BNC2: variants seen among roughly 807,000 people sequenced by gnomAD.
The protein encoded by BNC2 is zinc finger protein basonuclin-2.
BNC2 carries 20 observed loss-of-function variants against 76.3 expected under a neutral mutation model. The observed-to-expected ratio is 0.26, with a 90% CI of 0.18 to 0.38. BNC2 has a LOEUF of 0.38. BNC2 is among the 10% of genes least tolerant of loss of function. The probability of loss-of-function intolerance (pLI) is 1.00; values close to 1 mark genes in which losing one functional copy is unlikely to be tolerated. For synonymous variants in BNC2, 582 were observed against 514.8 expected, an observed-to-expected ratio of 1.13 and a Z score of -1.77; for missense variants, 1,382 against 1,399.8, an observed-to-expected ratio of 0.99 and a Z score of 0.20.
At chr9:16,421,965 T>C (rs1172313893) in intron 6 of BNC2, among the ~76,000 whole-genome samples, 1 of 152,180 alleles carries the variant, frequency 6.6e-6, no homozygotes, top group Non-Finnish European at 1.5e-5. Flanking sequence ...CATCTGCAGT[T>C]ACCACTTCCT....
chr9:16,582,892 GAC>G (rs149223772), intron 4 of BNC2, 89 bp downstream of exon 4: 25,799 of 621,080 alleles, frequency 0.042, 189 homozygotes, highest in African/African-American at 0.11. Context: ...CCTCTAAACA[GAC>G]ACACACACAC....
chr9:16,856,275 TCTCACA>T lies in BNC2; in HGVS notation c.3+14365_3+14370del, dbSNP rs57676312. Among the ~76,000 whole-genome samples, 1,517 of 86,408 alleles carry T rather than the reference TCTCACA, an allele frequency of 0.018. 16 individuals carry two copies. The East Asian group carries it at 0.21, about 12-fold the overall frequency. 56.7% of individuals were successfully genotyped at this position (86,408 alleles called of 152,430 possible). A position where few individuals can be genotyped will look rare whatever the true frequency, so the allele number is the denominator to read the frequency against. Reference sequence around the variant, plus strand: ...TTTCTTCACACACACTCTCTCTCTCTCTCACACACACACACACACACACACACAAAT... The same window carrying T: ...TTTCTTCACACACACTCTCTCTCTCTCACACACACACACACACACACAAAT... On this transcript the variant is annotated intron_variant, in intron 1 of 6. Coordinates refer to ENST00000380672, the MANE Select transcript of BNC2 (RefSeq NM_017637.6).
At chr9:16,756,950 C>A (rs1825401547) in intron 1 of BNC2, among the ~76,000 whole-genome samples, 1 of 147,408 alleles carries the variant, frequency 6.8e-6, no homozygotes, top group Admixed American at 6.8e-5. Flanking sequence ...AAGATCACAC[C>A]AATGCACTCC....
intron 3 of BNC2, among the ~76,000 whole-genome samples, chr9:16,689,484 C>A (rs538917233): frequency 2.0e-5 from 3 of 152,200 alleles, no homozygotes; most frequent in Admixed American, 1.3e-4. Flanking sequence ...ATGAAAGTCA[C>A]AGCCTAAATA....
intron 5 of BNC2, chr9:16,476,361 C>A (rs1158486699): frequency 6.6e-6 from 1 of 152,190 alleles, no homozygotes; most frequent in Non-Finnish European, 1.5e-5. Flanking sequence ...CCTGTACACA[C>A]CTGAGGTGCT....
At chr9:16,657,459 G>C (rs918321011) in intron 3 of BNC2, among the ~76,000 whole-genome samples, 42 of 152,290 alleles carry the variant, frequency 2.8e-4, no homozygotes, top group African/African-American at 9.9e-4. Flanking sequence ...TGTTGTTGTG[G>C]AGAAGACAAG....
intron 6 of BNC2, among the ~76,000 whole-genome samples, chr9:16,420,445 G>A (rs1820686551): frequency 6.7e-6 from 1 of 150,220 alleles, no homozygotes; most frequent in Non-Finnish European, 1.5e-5. Context: ...GACAAAAACG[G>A]AAAAACAGAA....
intron 5 of BNC2, among the ~76,000 whole-genome samples, chr9:16,506,602 T>G (rs1161066967): frequency 7.2e-6 from 1 of 139,570 alleles, no homozygotes; most frequent in African/African-American, 2.7e-5. Flanking sequence ...CTCAGCTCAC[T>G]GCAACCTCCA....
intron 1 of BNC2, among the ~76,000 whole-genome samples, chr9:16,778,924 A>G (rs561075558): frequency 5.3e-5 from 8 of 152,256 alleles, no homozygotes; most frequent in African/African-American, 1.9e-4. Context: ...ACATAAAACG[A>G]TATTTTTAGA....
chr9:16,816,991 A>T (rs1223577771), intron 1 of BNC2, among the ~76,000 whole-genome samples: 1 of 152,228 alleles, frequency 6.6e-6, no homozygotes, highest in African/African-American at 2.4e-5. Flanking sequence ...CCAGCAACTG[A>T]CAAAGAAAAA....
chr9:16,638,478 C>T (rs759091799), intron 3 of BNC2, among the ~76,000 whole-genome samples: 2 of 152,088 alleles, frequency 1.3e-5, no homozygotes, highest in Non-Finnish European at 2.9e-5. Flanking sequence ...ATAATTAAGA[C>T]ATTTTAGTAA....
chr9:16,866,460 T>G (rs1336765643), intron 1 of BNC2, among the ~76,000 whole-genome samples: 1 of 151,856 alleles, frequency 6.6e-6, no homozygotes, highest in African/African-American at 2.4e-5. Flanking sequence ...TTAATAGAAC[T>G]CTGAAGACTG....
chr9:16,551,633 G>A (rs898806249), intron 5 of BNC2, among the ~76,000 whole-genome samples: 2 of 152,226 alleles, frequency 1.3e-5, no homozygotes, highest in East Asian at 1.9e-4. Flanking sequence ...GTCCTTCGGC[G>A]AGAGGGGTAT....
intron 3 of BNC2, among the ~76,000 whole-genome samples, chr9:16,607,091 G>A (rs888501739): frequency 6.6e-6 from 1 of 151,764 alleles, no homozygotes; most frequent in Non-Finnish European, 1.5e-5. Flanking sequence ...GGAACCACAG[G>A]AGTGTGCCAC....
intron 3 of BNC2, among the ~76,000 whole-genome samples, chr9:16,610,439 C>T (rs1450687824): frequency 3.3e-5 from 5 of 152,126 alleles, no homozygotes; most frequent in Non-Finnish European, 4.4e-5. Context: ...AAGCAGACTA[C>T]AGATACAAGT....
At position 16,410,463 on chromosome 9, in the gene BNC2, T is replaced by C. The variant is rs1409457304; in HGVS notation, c.*8526A>G. ...CCAGGTTTAGCTCTCCTGCATTCTT[T>C]ATACTGGCACTGGCAGGAAAATGGT... On this transcript the variant is annotated 3_prime_UTR_variant, in exon 7 of 7. Coordinates refer to ENST00000380672, the MANE Select transcript of BNC2 (RefSeq NM_017637.6). 1.3e-5 allele frequency: 2 copies of C among 152,754 alleles called. No individual in the cohort carries two copies. The highest frequency in any genetic ancestry group is 1.3e-4 in the Admixed American group (2 of 15,298). The allele number at this position is 152,754 out of a possible 1,614,324, so 9.5% of individuals were successfully genotyped here. A position where few individuals can be genotyped will look rare whatever the true frequency, so the allele number is the denominator to read the frequency against.
At chr9:16,558,933 CAAAAAAA>C (rs574756487) in intron 4 of BNC2, among the ~76,000 whole-genome samples, 5 of 81,230 alleles carry the variant, frequency 6.2e-5, no homozygotes, top group South Asian at 4.0e-4. Context: ...GACTCCGTCT[CAAAAAAA>C]AAAAAAAAAA....
At chr9:16,591,863 T>C (rs1004566096) in intron 3 of BNC2, among the ~76,000 whole-genome samples, 5 of 152,206 alleles carry the variant, frequency 3.3e-5, no homozygotes, top group African/African-American at 1.2e-4. Context: ...ATTTGTCTAA[T>C]TGTTTTTAAT....
rs535738242 is a variant in BNC2, at chr9:16,455,318, C to A, written c.670-17794G>T. ...AGAAGACTTGGTAAGACTAAAATGG[C>A]CAAGAGAAAATAAACACATAGATAC... On this transcript the variant is annotated intron_variant, in intron 5 of 6. Coordinates refer to ENST00000380672, the MANE Select transcript of BNC2 (RefSeq NM_017637.6). 6.6e-5 allele frequency among the ~76,000 whole-genome samples: 10 copies of A among 152,090 alleles called. No individual in the cohort carries two copies. In the South Asian group the frequency reaches 2.1e-3, roughly 32 times the overall value.
Sources: allele counts gnomAD v4.1 joint callset (sites outside exome capture counted in the v4.1 genomes callset), GRCh38; gene constraint gnomAD v4.1.1; transcripts MANE v1.5; gene names NCBI Gene and HGNC (gene_info 2026-07-23, HGNC 2026-07-21).